SASS6: variants seen among roughly 807,000 people sequenced by gnomAD.
SASS6 encodes the protein spindle assembly abnormal protein 6 homolog.
In SASS6, 59 loss-of-function variants were observed where a neutral mutation model predicts 94.9. The ratio of observed to expected loss-of-function variants is 0.62; its 90% confidence interval spans 0.50 to 0.77. The LOEUF is 0.77. Among genes scored for constraint, SASS6 ranks in the 30% least tolerant of loss-of-function variants. The pLI, the probability that SASS6 is intolerant of heterozygous loss-of-function variation, is 0.00. For synonymous variants in SASS6, 264 were observed against 270.0 expected, an observed-to-expected ratio of 0.98 and a Z score of 0.22; for missense variants, 698 against 734.1, an observed-to-expected ratio of 0.95 and a Z score of 0.57.
chr1:100,111,053 C>A (rs554934632), intron 7 of SASS6, among the ~76,000 whole-genome samples: 1 of 151,970 alleles, frequency 6.6e-6, no homozygotes, highest in African/African-American at 2.4e-5. Flanking sequence ...CTGTCTGAAT[C>A]GTATCACAAA....
At chr1:100,109,824 T>C (rs1292402222) in intron 8 of SASS6, among the ~76,000 whole-genome samples, 1 of 151,992 alleles carries the variant, frequency 6.6e-6, no homozygotes, top group Non-Finnish European at 1.5e-5. Flanking sequence ...TGAGTTAATA[T>C]ATGTAAAGCA....
At chr1:100,089,900 A>AG (rs1040727730) in intron 14 of SASS6, among the ~76,000 whole-genome samples, 1 of 151,956 alleles carries the variant, frequency 6.6e-6, no homozygotes, top group African/African-American at 2.4e-5. Flanking sequence ...GATTGTTTAA[A>AG]GAAAAAAAAA....
intron 14 of SASS6, 39 bp from the exon 15 acceptor site, chr1:100,088,275 T>C (rs769142371): frequency 2.9e-5 from 29 of 1,010,816 alleles, no homozygotes; most frequent in South Asian, 2.5e-5. Context: ...CTGAGTTATA[T>C]AGAAGTAGAC....
Position 100,120,446 on chromosome 1 carries a change from G to T in SASS6, c.497C>A (p.Ser166Ter). Residue 166 changes from serine (S) to a stop codon, truncating the protein, a stop_gained, in exon 6 of 17, where the codon TCA becomes TAA. Coordinates refer to ENST00000287482, the MANE Select transcript of SASS6 (RefSeq NM_194292.3). LOFTEE classifies it high-confidence loss of function. ...CLKCSKEEKL[S>*]LMQSLDDATK... Reference sequence around the variant, plus strand: ...AGCATCATCTAGTGATTGCATCAATGATAATTTTTCTTCCTATTCATAAAA... The same window carrying T: ...AGCATCATCTAGTGATTGCATCAATTATAATTTTTCTTCCTATTCATAAAA... 1.4e-6 allele frequency: 2 copies of T among 1,448,760 alleles called. No homozygotes were observed. Among genetic ancestry groups the T allele is most frequent in the Non-Finnish European group, 1.9e-6 (2 of 1,030,596 alleles). The allele number at this position is 1,448,760 out of a possible 1,614,324, so 89.7% of individuals were successfully genotyped here. A position where few individuals can be genotyped will look rare whatever the true frequency, so the allele number is the denominator to read the frequency against.
chr1:100,112,982 G>A (rs150894994), intron 7 of SASS6, among the ~76,000 whole-genome samples: 4 of 152,256 alleles, frequency 2.6e-5, no homozygotes, highest in African/African-American at 9.6e-5. Context: ...AAGTCCCGAA[G>A]GGCTGCCTAA....
chr1:100,099,368 G>A (rs376700524), intron 14 of SASS6: 30 of 153,852 alleles, frequency 1.9e-4, no homozygotes, highest in African/African-American at 7.0e-4. Context: ...CGTTCCTGTA[G>A]AAACTCAAAC....
chr1:100,120,005 A>G (rs546242151), intron 6 of SASS6, among the ~76,000 whole-genome samples: 2 of 152,240 alleles, frequency 1.3e-5, no homozygotes, highest in Non-Finnish European at 2.9e-5. Flanking sequence ...TGCTAAGCCT[A>G]TCAGAGGAAT....
rs181821561 is a variant in SASS6, at chr1:100,104,978, G to A, written c.1545+789C>T. The stretch of plus-strand genomic sequence containing the variant: ...AAAAGAGAAAAAAATCTGGTCCTGG[G>A]AGCTAGAAAGTTTATATCTCATAAC... On this transcript the variant is annotated intron_variant, in intron 13 of 16. Coordinates refer to ENST00000287482, the MANE Select transcript of SASS6 (RefSeq NM_194292.3). Among the ~76,000 whole-genome samples the A allele has an allele frequency of 5.5e-4, 83 of 151,982 alleles. 1 individual carries two copies. The highest frequency in any genetic ancestry group is 2.0e-3 in the African/African-American group (81 of 41,520).
At chr1:100,100,422 C>T (rs1652392370) in intron 14 of SASS6, among the ~76,000 whole-genome samples, 1 of 152,202 alleles carries the variant, frequency 6.6e-6, no homozygotes, top group South Asian at 2.1e-4. Flanking sequence ...AAAACTATGC[C>T]TGGCCACAGC....
At position 100,123,282 on chromosome 1, in the gene SASS6, ACTAAGTC is replaced by A; in HGVS notation, c.127_133del (p.Asp43LeufsTer4). On this transcript the variant is annotated frameshift_variant and splice_region_variant, in exon 3 of 17. Transcript: ENST00000287482. LOFTEE classifies it high-confidence loss of function. ...ATCCGTGTCATCAGTCAGACGAATA[ACTAAGTC>A]CTAAAAGAAAGTTTGTTGTTTTTAA... 6.6e-7 allele frequency: 1 copy of A among 1,514,816 alleles called. No individual in the cohort carries two copies. The highest frequency in any genetic ancestry group is 9.1e-7 in the Non-Finnish European group (1 of 1,100,830). 93.8% of individuals were successfully genotyped at this position (1,514,816 alleles called of 1,614,324 possible). A position where few individuals can be genotyped will look rare whatever the true frequency, so the allele number is the denominator to read the frequency against.
chr1:100,093,174 CT>C lies in SASS6; in HGVS notation c.1675-4939del, dbSNP rs909537970. ...ACAAAAACAGAATACCTATTGTTTT[CT>C]TTTTTTTTTTTTTTTTTTTTTTTGT... On this transcript the variant is annotated intron_variant, in intron 14 of 16. Coordinates refer to ENST00000287482, the MANE Select transcript of SASS6 (RefSeq NM_194292.3). Among the ~76,000 whole-genome samples the C allele has an allele frequency of 7.7e-3, 669 of 87,410 alleles. 1 individual carries two copies. Among genetic ancestry groups the C allele is most frequent in the African/African-American group, 0.022 (488 of 22,282 alleles). 57.3% of individuals were successfully genotyped at this position (87,410 alleles called of 152,430 possible). A position where few individuals can be genotyped will look rare whatever the true frequency, so the allele number is the denominator to read the frequency against.
At chr1:100,121,938 A>G (rs886129765) in intron 4 of SASS6, among the ~76,000 whole-genome samples, 10 of 152,232 alleles carry the variant, frequency 6.6e-5, no homozygotes, top group Non-Finnish European at 1.0e-4. Flanking sequence ...GAAGAATTAT[A>G]CTTAATATAG....
intron 15 of SASS6, among the ~76,000 whole-genome samples, chr1:100,087,552 T>A (rs1302586652): frequency 6.6e-6 from 1 of 152,168 alleles, no homozygotes; most frequent in Non-Finnish European, 1.5e-5. Context: ...CCACAAGTCA[T>A]TGAATCAACA....
chr1:100,097,657 T>C (rs1305310749), intron 14 of SASS6, among the ~76,000 whole-genome samples: 1 of 151,766 alleles, frequency 6.6e-6, no homozygotes, highest in African/African-American at 2.4e-5. Flanking sequence ...AAACTCCATC[T>C]CTACAAAAAA....
chr1:100,127,100 A>C (rs892127456), intron 1 of SASS6, among the ~76,000 whole-genome samples: 2 of 152,230 alleles, frequency 1.3e-5, no homozygotes, highest in Non-Finnish European at 2.9e-5. Context: ...CATAAACATT[A>C]ATCAAATAGA....
Position 100,102,949 on chromosome 1 carries a change from G to A in SASS6, c.1674+6C>T, listed in dbSNP as rs1429102520. 1.2e-6 allele frequency: 2 copies of A among 1,602,472 alleles called. No homozygotes were observed. Among genetic ancestry groups the A allele is most frequent in the African/African-American group, 1.3e-5 (1 of 74,248 alleles). ...TCCCAGAACAAGTATTAGTTAATTT[G>A]GCTACCTTTGTTCCTGAACCAGGGT... On this transcript the variant is annotated splice_donor_region_variant and intron_variant, in intron 14 of 16. Transcript: ENST00000287482.
chr1:100,128,225 T>TG, intron 1 of SASS6, among the ~76,000 whole-genome samples: 1 of 152,148 alleles, frequency 6.6e-6, no homozygotes, highest in East Asian at 1.9e-4. Flanking sequence ...TTAGTAGAGA[T>TG]GGGGTTTCAC....
intron 8 of SASS6, among the ~76,000 whole-genome samples, chr1:100,109,200 T>C (rs995515601): frequency 6.6e-6 from 1 of 151,986 alleles, no homozygotes; most frequent in African/African-American, 2.4e-5. Flanking sequence ...GAAGAGTGTA[T>C]GCAGGAAAAA....
At chr1:100,132,694 C>A (rs1440481793) in intron 1 of SASS6, 56 bp downstream of exon 1, 1 of 1,387,660 alleles carries the variant, frequency 7.2e-7, no homozygotes, top group East Asian at 2.3e-5. Context: ...CGCCATCTTT[C>A]CCCATTGGCC....
Sources: allele counts gnomAD v4.1 joint callset (sites outside exome capture counted in the v4.1 genomes callset), GRCh38; gene constraint gnomAD v4.1.1; transcripts MANE v1.5; gene names NCBI Gene and HGNC (gene_info 2026-07-23, HGNC 2026-07-21).